The following GALM variants were observed in gnomAD, a reference collection of about 807,000 sequenced individuals.
GALM encodes aldose 1-epimerase.
In GALM, 43 loss-of-function variants were observed where a neutral mutation model predicts 37.4. The observed-to-expected ratio is 1.15, with a 90% CI of 0.90 to 1.48. GALM has a LOEUF of 1.48. GALM is among the 40% of genes most tolerant of loss of function. The pLI, the probability that GALM is intolerant of heterozygous loss-of-function variation, is 0.00. For synonymous variants in GALM, 199 were observed against 170.6 expected, an observed-to-expected ratio of 1.17 and a Z score of -1.30; for missense variants, 456 against 419.1, an observed-to-expected ratio of 1.09 and a Z score of -0.77.
At chr2:38,716,802 C>T (rs1333077211) in intron 4 of GALM, among the ~76,000 whole-genome samples, 1 of 152,080 alleles carries the variant, frequency 6.6e-6, no homozygotes, top group Non-Finnish European at 1.5e-5. Flanking sequence ...TGTGATTGCA[C>T]CTGTGAATAG....
intron 4 of GALM, among the ~76,000 whole-genome samples, chr2:38,723,807 A>G (rs921177164): frequency 9.9e-5 from 15 of 152,214 alleles, no homozygotes; most frequent in African/African-American, 3.6e-4. Flanking sequence ...ACAAACAAAA[A>G]AAAAAGCAAA....
chr2:38,676,565 C>G (rs1165937821), intron 2 of GALM, among the ~76,000 whole-genome samples: 1 of 152,138 alleles, frequency 6.6e-6, no homozygotes, highest in Admixed American at 6.5e-5. Flanking sequence ...GAGTTTAAGA[C>G]CAGCCTGGCC....
At chr2:38,721,682 A>T (rs1007461035) in intron 4 of GALM, among the ~76,000 whole-genome samples, 2 of 151,910 alleles carry the variant, frequency 1.3e-5, no homozygotes, top group Non-Finnish European at 2.9e-5. Context: ...CACCTGGCTA[A>T]TTTTTTAATT....
chr2:38,723,114 G>A (rs1296248423), intron 4 of GALM, among the ~76,000 whole-genome samples: 1 of 152,066 alleles, frequency 6.6e-6, no homozygotes, highest in Non-Finnish European at 1.5e-5. Context: ...ATGCCCAGAG[G>A]GTACAGAGAT....
Position 38,666,124 on chromosome 2 carries a change from G to A in GALM, c.-38G>A, listed in dbSNP as rs1330129818. 1.3e-6 allele frequency: 2 copies of A among 1,576,728 alleles called. No individual in the cohort carries two copies. The highest frequency in any genetic ancestry group is 1.7e-6 in the Non-Finnish European group (2 of 1,158,940). ...TCTAGCTTAGCGAGCGCTGGAGTTT[G>A]AAGAGCGGGCAGTGGCTGCACACGC... On this transcript the variant is annotated 5_prime_UTR_variant, in exon 1 of 7. Transcript: ENST00000272252.
At chr2:38,690,374 T>C (rs564772271) in intron 4 of GALM, among the ~76,000 whole-genome samples, 1 of 152,120 alleles carries the variant, frequency 6.6e-6, no homozygotes, top group African/African-American at 2.4e-5. Context: ...AAATTTTAAA[T>C]AACTTTACTG....
intron 4 of GALM, among the ~76,000 whole-genome samples, chr2:38,717,094 T>C (rs1666283037): frequency 6.6e-6 from 1 of 151,424 alleles, no homozygotes; most frequent in Admixed American, 6.6e-5. Context: ...CTACTAAAAA[T>C]ACAAAATTAG....
rs768642413 is a variant in GALM at position 38,666,159 on chromosome 2, C to A, written c.-3C>A. ...CAGTGGCTGCACACGCCAAACTTTCCCTATGGCTTCGGTGACCAGGGCCGT... is the reference window on the plus strand; with the variant it reads ...CAGTGGCTGCACACGCCAAACTTTCACTATGGCTTCGGTGACCAGGGCCGT... On this transcript the variant is annotated 5_prime_UTR_variant, in exon 1 of 7. Transcript: ENST00000272252. The A allele has an allele frequency of 6.2e-7, 1 of 1,609,420 alleles. No homozygotes were observed. The highest frequency in any genetic ancestry group is 8.5e-7 in the Non-Finnish European group (1 of 1,177,426).
At chr2:38,678,481 G>A (rs1388696683) in intron 2 of GALM, among the ~76,000 whole-genome samples, 1 of 152,106 alleles carries the variant, frequency 6.6e-6, no homozygotes, top group Non-Finnish European at 1.5e-5. Flanking sequence ...TCTTTCCATT[G>A]TGTCCTTTCT....
At chr2:38,698,404 C>A in intron 4 of GALM, 2 of 1,304,268 alleles carry the variant, frequency 1.5e-6, no homozygotes, top group Non-Finnish European at 2.0e-6. Context: ...CTGAGAGCTC[C>A]TTTTACCCAT....
chr2:38,697,799 A>T (rs1665841150), intron 4 of GALM, among the ~76,000 whole-genome samples: 1 of 152,178 alleles, frequency 6.6e-6, no homozygotes. Flanking sequence ...ACAGGGAGCC[A>T]GAGCAAGAGC....
chr2:38,702,711 G>T (rs1169097628), intron 4 of GALM, among the ~76,000 whole-genome samples: 2 of 151,858 alleles, frequency 1.3e-5, no homozygotes, highest in African/African-American at 4.8e-5. Flanking sequence ...TCCAAAGTAG[G>T]GAGCTAGAAG....
At position 38,687,690 on chromosome 2, in the gene GALM, G is replaced by C. The variant is rs557586282; in HGVS notation, c.553-2123G>C. ...TGCGCCACTGCACTCCAGCCTGGGC[G>C]ACACAGTAAGACTCTGCCTCCGAAA... On this transcript the variant is annotated intron_variant, in intron 3 of 6. Transcript: ENST00000272252. Among the ~76,000 whole-genome samples, 5 of 150,848 alleles carry C rather than the reference G, an allele frequency of 3.3e-5. No individual in the cohort carries two copies. The East Asian group carries it at 9.8e-4, about 29-fold the overall frequency.
At chr2:38,678,017 C>CTTTTTTTTT in intron 2 of GALM, among the ~76,000 whole-genome samples, 1 of 138,322 alleles carries the variant, frequency 7.2e-6, no homozygotes, top group African/African-American at 2.7e-5. Flanking sequence ...ACTTTGAACT[C>CTTTTTTTTT]TTTTTTTTTT....
chr2:38,686,553 C>T (rs1234137707), intron 3 of GALM, among the ~76,000 whole-genome samples: 1 of 151,754 alleles, frequency 6.6e-6, no homozygotes, highest in Non-Finnish European at 1.5e-5. Context: ...CATGAGCCAC[C>T]GTGCCTGGCC....
intron 3 of GALM, among the ~76,000 whole-genome samples, chr2:38,683,898 C>T (rs1185883906): frequency 6.6e-6 from 1 of 151,996 alleles, no homozygotes; most frequent in Non-Finnish European, 1.5e-5. Flanking sequence ...TAGGGATTTT[C>T]AACCTCTATC....
intron 4 of GALM, among the ~76,000 whole-genome samples, chr2:38,728,196 C>CT (rs1373509441): frequency 6.6e-6 from 1 of 152,100 alleles, no homozygotes; most frequent in Non-Finnish European, 1.5e-5. Context: ...GAGTTGGAGA[C>CT]TAGCCTGGCC....
chr2:38,720,638 C>T (rs541072987), intron 4 of GALM, among the ~76,000 whole-genome samples: 1 of 152,218 alleles, frequency 6.6e-6, no homozygotes, highest in African/African-American at 2.4e-5. Context: ...TTAGACAGGG[C>T]ACATCTTGTC....
At chr2:38,686,028 C>T (rs925000047) in intron 3 of GALM, among the ~76,000 whole-genome samples, 1 of 151,822 alleles carries the variant, frequency 6.6e-6, no homozygotes, top group Non-Finnish European at 1.5e-5. Context: ...GCATGCATCT[C>T]TTTAACGAAG....
Sources: gnomAD v4.1 joint callset for allele counts (sites outside exome capture counted in the v4.1 genomes callset) on GRCh38, gnomAD v4.1.1 for gene constraint, MANE v1.5 for transcripts, NCBI Gene and HGNC (gene_info 2026-07-23, HGNC 2026-07-21) for gene names.